The following RB1 variants were observed in gnomAD, a reference collection of about 807,000 sequenced individuals.
RB1 encodes the protein RB transcriptional corepressor 1, also known as retinoblastoma-associated protein.
In RB1, 18 loss-of-function variants were observed where a neutral mutation model predicts 135.4. The observed-to-expected ratio is 0.13, with a 90% confidence interval of 0.09 to 0.20. The LOEUF is 0.20. Ranked by LOEUF, RB1 falls within the 10% of genes least tolerant of loss-of-function variation. The pLI is 1.00. For synonymous variants in RB1, 365 were observed against 373.2 expected, an observed-to-expected ratio of 0.98 and a Z score of 0.25; for missense variants, 868 against 1,110.0, an observed-to-expected ratio of 0.78 and a Z score of 3.10.
At chr13:48,354,012 C>G (rs1471006133) in intron 6 of RB1, among the ~76,000 whole-genome samples, 1 of 152,084 alleles carries the variant, frequency 6.6e-6, no homozygotes, top group African/African-American at 2.4e-5. Flanking sequence ...GAAAGCCTTT[C>G]CTCTAAGATC....
intron 11 of RB1, among the ~76,000 whole-genome samples, chr13:48,371,159 G>A (rs567377353): frequency 6.6e-6 from 1 of 152,202 alleles, no homozygotes; most frequent in Non-Finnish European, 1.5e-5. Context: ...CAAATTTGGA[G>A]TGTAGCATGT....
At chr13:48,402,228 T>C (rs1948698287) in intron 17 of RB1, among the ~76,000 whole-genome samples, 1 of 152,160 alleles carries the variant, frequency 6.6e-6, no homozygotes, top group African/African-American at 2.4e-5. Context: ...CCTTTAATAG[T>C]GTACACTTTT....
intron 17 of RB1, among the ~76,000 whole-genome samples, chr13:48,398,884 C>T (rs1948668309): frequency 6.6e-6 from 1 of 152,006 alleles, no homozygotes; most frequent in Non-Finnish European, 1.5e-5. Flanking sequence ...TGCCTAGGAG[C>T]TAATAAGTAA....
intron 2 of RB1, among the ~76,000 whole-genome samples, chr13:48,337,670 C>T (rs1952397476): frequency 2.0e-5 from 3 of 152,128 alleles, no homozygotes; most frequent in Non-Finnish European, 2.9e-5. Flanking sequence ...GAGCATTTAG[C>T]CCATTTACAT....
In RB1 at chr13:48,304,027, C is replaced by A. The variant is rs2138027915; in HGVS notation, c.115C>A (p.Pro39Thr). 2.1e-6 allele frequency: 3 copies of A among 1,462,686 alleles called. No individual in the cohort carries two copies. The South Asian group carries it at 4.0e-5, about 19-fold the overall frequency. The allele number at this position is 1,462,686 out of a possible 1,614,324, so 90.6% of individuals were successfully genotyped here. Residue 39 changes from proline to threonine, a missense_variant, in exon 1 of 27, where the codon CCG (proline) becomes ACG (threonine). Physicochemically the swap from Pro to Thr is conservative, Grantham distance 38. Around this residue, in one of 3 missense-constraint regions of RB1, gnomAD observed 641 missense variants for 791.3 expected, o/e 0.81. Coordinates refer to ENST00000267163, the MANE Select transcript of RB1 (RefSeq NM_000321.3). ...PEEDPEQDSG[P>T]EDLPLVRLEF... The stretch of plus-strand genomic sequence containing the variant: ...GGAGGACCCAGAGCAGGACAGCGGC[C>A]CGGAGGACCTGCCTCTCGTCAGGTG...
chr13:48,318,362 C>G, intron 2 of RB1: 5 of 1,454,072 alleles, frequency 3.4e-6, no homozygotes, highest in East Asian at 2.3e-5. Context: ...CCCTGCACCT[C>G]TTCTTGAGCT....
At position 48,480,463 on chromosome 13, in the gene RB1, TTATATG is replaced by T. The variant is rs1313278614; in HGVS notation, c.*398_*403del. 2 of 240,180 alleles carry T rather than the reference TTATATG, an allele frequency of 8.3e-6. No homozygotes were observed. The highest frequency in any genetic ancestry group is 4.4e-5 in the African/African-American group (2 of 45,366). The allele number at this position is 240,180 out of a possible 1,614,324, so 14.9% of individuals were successfully genotyped here. A position where few individuals can be genotyped will look rare whatever the true frequency, so the allele number is the denominator to read the frequency against. On this transcript the variant is annotated 3_prime_UTR_variant, in exon 27 of 27. Coordinates refer to ENST00000267163, the MANE Select transcript of RB1 (RefSeq NM_000321.3). Reference sequence around the variant, plus strand: ...GATGTTTGCTCTTGTTTTTATTAATTTATATGTATATTTTTTTAATTTAACATGAAC... The same window carrying T: ...GATGTTTGCTCTTGTTTTTATTAATTTATATTTTTTTAATTTAACATGAAC...
chr13:48,464,958 CTTTTTTTTTTTT>C (rs553094345), intron 21 of RB1, 28 bp from the exon 22 acceptor site: 39 of 832,632 alleles, frequency 4.7e-5, no homozygotes, highest in Non-Finnish European at 5.9e-5. Flanking sequence ...GTAAATTTTA[CTTTTTTTTTTTT>C]TTTTTTTTTT....
At chr13:48,435,574 A>G (rs931719192) in intron 17 of RB1, among the ~76,000 whole-genome samples, 5 of 152,152 alleles carry the variant, frequency 3.3e-5, no homozygotes, top group Admixed American at 6.5e-5. Flanking sequence ...TAATTTTCAT[A>G]AAGTCCAGTT....
chr13:48,309,703 T>G (rs958438259), intron 2 of RB1, among the ~76,000 whole-genome samples: 2 of 152,220 alleles, frequency 1.3e-5, no homozygotes, highest in African/African-American at 4.8e-5. Context: ...TACTGTAGTT[T>G]TCAATTTATA....
chr13:48,303,790 G>C lies in RB1; in HGVS notation c.-123G>C. 1 of 1,401,396 alleles carries C rather than the reference G, an allele frequency of 7.1e-7. No homozygotes were observed. Among genetic ancestry groups the C allele is most frequent in the Non-Finnish European group, 9.4e-7 (1 of 1,060,962 alleles). 86.8% of individuals were successfully genotyped at this position (1,401,396 alleles called of 1,614,324 possible). On this transcript the variant is annotated 5_prime_UTR_variant, in exon 1 of 27. Coordinates refer to ENST00000267163, the MANE Select transcript of RB1 (RefSeq NM_000321.3). ...GGAGGGCGCGTCCGGTTTTTCTCAG[G>C]GGACGTTGAAATTATTTTTGTAACG...
intron 2 of RB1, among the ~76,000 whole-genome samples, chr13:48,331,386 G>A (rs1952335099): frequency 1.3e-5 from 2 of 152,142 alleles, no homozygotes; most frequent in Admixed American, 1.3e-4. Flanking sequence ...TTAAAGATGG[G>A]GCCTTTAAGA....
intron 2 of RB1, chr13:48,320,583 A>G (rs1952226254): frequency 4.9e-6 from 2 of 406,390 alleles, no homozygotes. Context: ...CCGTAATCAC[A>G]GCACTTTGAG....
In RB1 at chr13:48,458,717, A is replaced by C. The variant is rs1213731894; in HGVS notation, c.1961-971A>C. ...TAAAAATTTCAAATTACCTCATGCA[A>C]GTCGTTGAAAGAGATATATAAAAGG... On this transcript the variant is annotated intron_variant, in intron 19 of 26. Transcript: ENST00000267163. 2.6e-5 allele frequency among the ~76,000 whole-genome samples: 4 copies of C among 152,354 alleles called. No homozygotes were observed. The East Asian group carries it at 7.7e-4, about 29-fold the overall frequency.
At chr13:48,313,200 T>G (rs1281021566) in intron 2 of RB1, among the ~76,000 whole-genome samples, 1 of 152,206 alleles carries the variant, frequency 6.6e-6, no homozygotes, top group Non-Finnish European at 1.5e-5. Context: ...CTTTTTTCTT[T>G]TAGCCTAAAT....
chr13:48,379,699 C>T (rs1372700628), intron 14 of RB1, 49 bp downstream of exon 14: 7 of 1,573,306 alleles, frequency 4.4e-6, no homozygotes, highest in African/African-American at 2.7e-5. Flanking sequence ...CGGTGGCTCA[C>T]GCCTGCAATC....
chr13:48,396,083 A>G (rs539208772), intron 17 of RB1, among the ~76,000 whole-genome samples: 1 of 152,368 alleles, frequency 6.6e-6, no homozygotes, highest in Admixed American at 6.5e-5. Context: ...ACAGTAATTT[A>G]TAGATTCAAT....
intron 5 of RB1, 59 bp from the exon 6 acceptor site, chr13:48,348,897 A>G: frequency 6.4e-7 from 1 of 1,567,536 alleles, no homozygotes; most frequent in Non-Finnish European, 8.6e-7. Context: ...ATATCTGGAA[A>G]ACTTTCTTTC....
At chr13:48,460,675 T>C (rs531864637) in intron 20 of RB1, among the ~76,000 whole-genome samples, 1 of 152,194 alleles carries the variant, frequency 6.6e-6, no homozygotes, top group Non-Finnish European at 1.5e-5. Flanking sequence ...AACAATATAC[T>C]TTTGGCTGGG....
Sources: gnomAD v4.1 joint callset for allele counts (sites outside exome capture counted in the v4.1 genomes callset) on GRCh38, gnomAD v4.1.1 for gene constraint, gnomAD v4.1.1 regional missense constraint, MANE v1.5 for transcripts, NCBI Gene and HGNC (gene_info 2026-07-23, HGNC 2026-07-21) for gene names.